GALNT13: variants seen among roughly 807,000 people sequenced by gnomAD.
The protein encoded by GALNT13 is polypeptide N-acetylgalactosaminyltransferase 13, also known as UDP-GalNAc:polypeptide N-acetylgalactosaminyltransferase 13.
In GALNT13, 28 loss-of-function variants were observed where a neutral mutation model predicts 64.2. That is an observed-to-expected ratio of 0.44 (90% CI 0.32 to 0.60). GALNT13 has a LOEUF of 0.60. Among genes scored for constraint, GALNT13 ranks in the 20% least tolerant of loss-of-function variants. The probability of loss-of-function intolerance (pLI) is 0.05; values close to 1 mark genes in which losing one functional copy is unlikely to be tolerated. For missense variants in GALNT13, 577 were observed against 669.8 expected, an observed-to-expected ratio of 0.86 and a Z score of 1.53; for synonymous variants, 214 against 224.6, an observed-to-expected ratio of 0.95 and a Z score of 0.42.
intron 3 of GALNT13, among the ~76,000 whole-genome samples, chr2:153,986,587 G>A (rs78920243): frequency 0.012 from 1,784 of 151,944 alleles, 37 homozygotes; most frequent in African/African-American, 0.04. Context: ...TTAATCCCCT[G>A]CCCTCAAATC....
chr2:153,326,957 G>A, the GALNT13 span, among the ~76,000 whole-genome samples: 4 of 152,044 alleles, frequency 2.6e-5, no homozygotes, highest in African/African-American at 7.2e-5. Flanking sequence ...GGTGGCATGC[G>A]CCTGTAATTG....
At chr2:153,328,472 C>A in the GALNT13 span, among the ~76,000 whole-genome samples, 1 of 152,220 alleles carries the variant, frequency 6.6e-6, no homozygotes, top group Admixed American at 6.5e-5. Context: ...CTGACTGGGG[C>A]TGCTGCCTTT....
intron 4 of GALNT13, among the ~76,000 whole-genome samples, chr2:154,203,242 A>C (rs2105783528): frequency 6.6e-6 from 1 of 152,254 alleles, no homozygotes; most frequent in African/African-American, 2.4e-5. Flanking sequence ...TGGGAGAATA[A>C]ATGTGAGTGT....
At chr2:154,163,066 T>G (rs191604157) in intron 4 of GALNT13, among the ~76,000 whole-genome samples, 51 of 151,982 alleles carry the variant, frequency 3.4e-4, no homozygotes, top group Non-Finnish European at 6.5e-4. Context: ...TGTGCCATGT[T>G]GGTGTGTTGC....
chr2:154,312,522 T>C (rs530784659), intron 9 of GALNT13, among the ~76,000 whole-genome samples: 1 of 152,258 alleles, frequency 6.6e-6, no homozygotes, highest in Non-Finnish European at 1.5e-5. Flanking sequence ...TTGTCTGTTA[T>C]ATACATTGTC....
chr2:153,664,343 A>G, the GALNT13 span, among the ~76,000 whole-genome samples: 2 of 152,196 alleles, frequency 1.3e-5, no homozygotes, highest in Admixed American at 1.3e-4. Context: ...TTTTGCAAAA[A>G]GAGAAATATG....
chr2:154,278,020 G>A (rs1172371619), intron 8 of GALNT13, among the ~76,000 whole-genome samples: 1 of 152,008 alleles, frequency 6.6e-6, no homozygotes, highest in Non-Finnish European at 1.5e-5. Context: ...TTACTCCATA[G>A]CCTAGTAATA....
At chr2:153,416,944 G>T in the GALNT13 span, among the ~76,000 whole-genome samples, 1 of 152,120 alleles carries the variant, frequency 6.6e-6, no homozygotes, top group Non-Finnish European at 1.5e-5. Flanking sequence ...TGGAAGTGAA[G>T]GGCTTCTGAG....
intron 9 of GALNT13, among the ~76,000 whole-genome samples, chr2:154,382,279 AAC>A (rs2105333989): frequency 6.6e-6 from 1 of 152,206 alleles, no homozygotes; most frequent in Admixed American, 6.6e-5. Context: ...TTCTCTATGT[AAC>A]AGAGAACTAG....
the GALNT13 span, among the ~76,000 whole-genome samples, chr2:153,180,353 T>A: frequency 1.3e-5 from 2 of 152,180 alleles, no homozygotes; most frequent in African/African-American, 2.4e-5. Context: ...TATTGAATCA[T>A]CCTTGTATCA....
the GALNT13 span, among the ~76,000 whole-genome samples, chr2:153,272,447 A>G: frequency 6.6e-6 from 1 of 152,110 alleles, no homozygotes; most frequent in Non-Finnish European, 1.5e-5. Context: ...AAAAGTGGGT[A>G]AAGGATATGA....
the GALNT13 span, among the ~76,000 whole-genome samples, chr2:153,364,875 A>G: frequency 3.9e-5 from 6 of 152,230 alleles, no homozygotes; most frequent in African/African-American, 1.4e-4. Flanking sequence ...GAAATGTCAC[A>G]TAATTAGAAA....
intron 8 of GALNT13, among the ~76,000 whole-genome samples, chr2:154,291,483 C>G (rs913440512): frequency 7.9e-5 from 12 of 152,244 alleles, no homozygotes; most frequent in Non-Finnish European, 1.5e-4. Context: ...GGCTTCACCT[C>G]TCAATGGCAC....
At chr2:153,129,598 C>T in the GALNT13 span, among the ~76,000 whole-genome samples, 1 of 152,070 alleles carries the variant, frequency 6.6e-6, no homozygotes, top group Admixed American at 6.6e-5. Context: ...CATAGTGAAA[C>T]CCTGTCTGTA....
rs532118428 is a variant in GALNT13, at chr2:154,271,788, A to G, written c.975+12650A>G. 2.6e-5 allele frequency among the ~76,000 whole-genome samples: 4 copies of G among 151,994 alleles called. 1 individual carries two copies. The highest frequency in any genetic ancestry group is 7.2e-5 in the African/African-American group (3 of 41,538). Reference sequence around the variant, plus strand: ...TATGTGAGTCTATGTTAGCATAAAAACTAAATATTTATGAGGGCCCAAAAT... The same window carrying G: ...TATGTGAGTCTATGTTAGCATAAAAGCTAAATATTTATGAGGGCCCAAAAT... On this transcript the variant is annotated intron_variant, in intron 8 of 12. Transcript: ENST00000392825.
the GALNT13 span, among the ~76,000 whole-genome samples, chr2:153,800,870 T>A: frequency 1.3e-5 from 2 of 152,190 alleles, no homozygotes; most frequent in African/African-American, 4.8e-5. Flanking sequence ...TACTTCCACA[T>A]TGAAAATCTG....
the GALNT13 span, among the ~76,000 whole-genome samples, chr2:153,623,024 A>G: frequency 6.6e-6 from 1 of 152,070 alleles, no homozygotes; most frequent in Non-Finnish European, 1.5e-5. Context: ...TATGCTTTGT[A>G]TGTGCATTGA....
chr2:154,089,938 T>C (rs976487472), intron 3 of GALNT13, among the ~76,000 whole-genome samples: 6 of 152,024 alleles, frequency 3.9e-5, no homozygotes, highest in East Asian at 1.9e-4. Flanking sequence ...ATTAACATCA[T>C]TTATTGTATC....
At chr2:154,068,241 G>T (rs1248082388) in intron 3 of GALNT13, among the ~76,000 whole-genome samples, 1 of 151,800 alleles carries the variant, frequency 6.6e-6, no homozygotes, top group African/African-American at 2.4e-5. Context: ...AGGACAAAAG[G>T]GAGCCCTCAT....
Sources: allele counts gnomAD v4.1 joint callset (sites outside exome capture counted in the v4.1 genomes callset), GRCh38; gene constraint gnomAD v4.1.1; transcripts MANE v1.5; gene names NCBI Gene and HGNC (gene_info 2026-07-23, HGNC 2026-07-21).